Variants in NLRP2 observed in about 807,000 individuals in gnomAD.
The protein encoded by NLRP2 is NACHT, LRR and PYD domains-containing protein 2.
NLRP2 carries 107 observed loss-of-function variants against 97.2 expected under a neutral mutation model. The ratio of observed to expected loss-of-function variants is 1.10; its 90% CI spans 0.94 to 1.29. NLRP2 has a LOEUF of 1.29. Among genes scored for constraint, NLRP2 ranks in the 50% most tolerant of loss-of-function variants. The pLI is 0.00. For synonymous variants in NLRP2, 663 were observed against 551.5 expected, an observed-to-expected ratio of 1.20 and a Z score of -2.83; for missense variants, 1,495 against 1,330.3, an observed-to-expected ratio of 1.12 and a Z score of -1.93.
intron 6 of NLRP2, among the ~76,000 whole-genome samples, chr19:54,984,023 A>G (rs1448833014): frequency 1.3e-5 from 2 of 151,888 alleles, no homozygotes; most frequent in African/African-American, 4.8e-5. Flanking sequence ...GCTAATTTTT[A>G]TATTTTCATT....
At chr19:54,987,383 C>T (rs952744292) in intron 8 of NLRP2, among the ~76,000 whole-genome samples, 2 of 152,152 alleles carry the variant, frequency 1.3e-5, no homozygotes, top group East Asian at 1.9e-4. Context: ...GCTGCCCAGG[C>T]GATGAGAACC....
chr19:54,980,430 A>G (rs963004839), intron 4 of NLRP2, among the ~76,000 whole-genome samples: 32 of 149,206 alleles, frequency 2.1e-4, no homozygotes, highest in Admixed American at 3.3e-4. Context: ...TCCTGACCTT[A>G]TGATCCACCC....
intron 5 of NLRP2, 81 bp downstream of exon 5, chr19:54,981,763 AAC>A: frequency 1.2e-6 from 1 of 855,800 alleles, no homozygotes; most frequent in South Asian, 1.3e-5. Flanking sequence ...TTTCCTATGT[AAC>A]ACAAAGCATT....
intron 2 of NLRP2, among the ~76,000 whole-genome samples, chr19:54,973,488 G>C (rs150137434): frequency 6.6e-6 from 1 of 151,470 alleles, no homozygotes; most frequent in South Asian, 2.1e-4. Context: ...TGATTCTCCT[G>C]CCTCAGCCTC....
chr19:54,980,007 C>T (rs2071472289), intron 4 of NLRP2, among the ~76,000 whole-genome samples: 1 of 151,040 alleles, frequency 6.6e-6, no homozygotes, highest in African/African-American at 2.4e-5. Context: ...GATCTCCTAA[C>T]CTCGTGATCC....
intron 2 of NLRP2, chr19:54,974,052 C>T (rs1472681385): frequency 8.8e-7 from 1 of 1,137,470 alleles, no homozygotes; most frequent in Admixed American, 1.7e-5. Flanking sequence ...TCTAAGAATG[C>T]TGGCTATTAA....
At chr19:54,979,502 G>T (rs538043600) in intron 4 of NLRP2, among the ~76,000 whole-genome samples, 1 of 151,634 alleles carries the variant, frequency 6.6e-6, no homozygotes, top group Non-Finnish European at 1.5e-5. Flanking sequence ...ACCACATCTG[G>T]CTAATTTTTG....
chr19:54,982,111 A>G (rs755459433), intron 5 of NLRP2, 51 bp from the exon 6 acceptor site: 43 of 1,611,618 alleles, frequency 2.7e-5, no homozygotes, highest in Admixed American at 1.5e-4. Context: ...GGTTTTCCCT[A>G]TGGGTAACTG....
chr19:54,982,132 C>T, intron 5 of NLRP2, 30 bp from the exon 6 acceptor site: 2 of 1,613,506 alleles, frequency 1.2e-6, no homozygotes, highest in East Asian at 2.2e-5. Context: ...ATTGCATCCT[C>T]TCTCCCTTCC....
Position 54,982,643 on chromosome 19 carries a change from C to T in NLRP2, c.945C>T (p.Pro315=), listed in dbSNP as rs139643111. 8.9e-5 allele frequency: 144 copies of T among 1,614,028 alleles called. No individual in the cohort carries two copies. Among genetic ancestry groups the T allele is most frequent in the Non-Finnish European group, 1.1e-4 (134 of 1,180,038 alleles). The stretch of plus-strand genomic sequence containing the variant: ...ACTGGGAGAAGAAGAAGCCGGTGCC[C>T]GTCCTCCTGGGGAGTTTGCTGAACA... ...CGDWEKKKPV[P]VLLGSLLNRV... is the part of the protein sequence containing the mutation. The change falls in exon 6 of 13, where the codon CCC becomes CCT. Residue 315 remains proline, a synonymous_variant. Coordinates refer to ENST00000448584, the MANE Select transcript of NLRP2 (RefSeq NM_017852.5).
chr19:54,990,456 G>T, intron 9 of NLRP2, 46 bp from the exon 10 acceptor site: 5 of 1,603,204 alleles, frequency 3.1e-6, no homozygotes, highest in Non-Finnish European at 4.3e-6. Context: ...CGGGAAGGTT[G>T]AAGTTGGACC....
Position 54,998,605 on chromosome 19 carries a change from TTTTTTC to T in NLRP2, c.3050+1124_3050+1129del, listed in dbSNP as rs1357526296. Reference sequence around the variant, plus strand: ...TTTACTCTTTTTTTTGGGGTGCATCTTTTTTCTTTTTTTTTTTTTTTTTTCCTTTTT... The same window carrying T: ...TTTACTCTTTTTTTTGGGGTGCATCTTTTTTTTTTTTTTTTTTTCCTTTTT... On this transcript the variant is annotated intron_variant, in intron 12 of 12. Coordinates refer to ENST00000448584, the MANE Select transcript of NLRP2 (RefSeq NM_017852.5). Among the ~76,000 whole-genome samples the T allele has an allele frequency of 1.8e-3, 162 of 87,930 alleles. 3 individuals are homozygous for T. Among genetic ancestry groups the T allele is most frequent in the Middle Eastern group, 0.013 (2 of 152 alleles). 57.7% of individuals were successfully genotyped at this position (87,930 alleles called of 152,430 possible).
rs1374751598 is a variant in NLRP2 at position 54,997,584 on chromosome 19, G to A, written c.3050+97G>A. ...CCTGCTGTAGGAGACTGATCTGGTA[G>A]CTGGATTACAGGTTCCCGCCATCAC... On this transcript the variant is annotated intron_variant, in intron 12 of 12. Transcript: ENST00000448584. 5 of 1,286,942 alleles carry A rather than the reference G, an allele frequency of 3.9e-6. No individual in the cohort carries two copies. In the East Asian group the frequency reaches 1.2e-4, roughly 30 times the overall value. The allele number at this position is 1,286,942 out of a possible 1,614,324, so 79.7% of individuals were successfully genotyped here. A position where few individuals can be genotyped will look rare whatever the true frequency, so the allele number is the denominator to read the frequency against.
At chr19:54,968,388 G>A (rs968135527) in intron 1 of NLRP2, among the ~76,000 whole-genome samples, 3 of 148,242 alleles carry the variant, frequency 2.0e-5, no homozygotes, top group African/African-American at 5.0e-5. Flanking sequence ...GCAGTGGTGC[G>A]ATCACAGCTC....
At chr19:54,985,885 C>G (rs1197813183) in intron 7 of NLRP2, among the ~76,000 whole-genome samples, 4 of 151,838 alleles carry the variant, frequency 2.6e-5, no homozygotes, top group Non-Finnish European at 5.9e-5. Flanking sequence ...ATAATCCCAG[C>G]TACTCCGGAT....
At chr19:54,969,351 G>A (rs543949934) in intron 1 of NLRP2, among the ~76,000 whole-genome samples, 2 of 152,010 alleles carry the variant, frequency 1.3e-5, no homozygotes, top group Non-Finnish European at 2.9e-5. Flanking sequence ...AGTGGTGAAT[G>A]CCTGTAATCC....
Position 54,969,469 on chromosome 19 carries a change from C to T in NLRP2, c.-17-530C>T, listed in dbSNP as rs139466877. Among the ~76,000 whole-genome samples the T allele has an allele frequency of 3.7e-5, 5 of 134,484 alleles. No homozygotes were observed. The East Asian group carries it at 1.1e-3, about 29-fold the overall frequency. 88.2% of individuals were successfully genotyped at this position (134,484 alleles called of 152,430 possible). A position where few individuals can be genotyped will look rare whatever the true frequency, so the allele number is the denominator to read the frequency against. On this transcript the variant is annotated intron_variant, in intron 1 of 12. Coordinates refer to ENST00000448584, the MANE Select transcript of NLRP2 (RefSeq NM_017852.5). ...CTCCAGCCAGGGTGACAAAGTGAGA[C>T]TCCGTCTCAAAAAAAAAAAAAAAAA...
At position 54,986,331 on chromosome 19, in the gene NLRP2, A is replaced by G; in HGVS notation, c.2366+16A>G. On this transcript the variant is annotated intron_variant, in intron 8 of 12. Transcript: ENST00000448584. ...GATATCTCGGGTATATCTCTTAATCATTAAAATCCTTCATCATACAAACAT... is the reference window on the plus strand; with the variant it reads ...GATATCTCGGGTATATCTCTTAATCGTTAAAATCCTTCATCATACAAACAT... The G allele has an allele frequency of 6.2e-7, 1 of 1,609,440 alleles. No homozygotes were observed. Among genetic ancestry groups the G allele is most frequent in the Non-Finnish European group, 8.5e-7 (1 of 1,175,774 alleles).
intron 1 of NLRP2, among the ~76,000 whole-genome samples, chr19:54,969,307 C>CA (rs2070693282): frequency 6.6e-6 from 1 of 151,210 alleles, no homozygotes; most frequent in Non-Finnish European, 1.5e-5. Flanking sequence ...AACCCCCCAT[C>CA]TCTACTAAAA....
Sources: gnomAD v4.1 joint callset for allele counts (sites outside exome capture counted in the v4.1 genomes callset) on GRCh38, gnomAD v4.1.1 for gene constraint, MANE v1.5 for transcripts, NCBI Gene and HGNC (gene_info 2026-07-23, HGNC 2026-07-21) for gene names.